BCL9: variants seen among roughly 807,000 people sequenced by gnomAD.
BCL9 encodes the protein B-cell CLL/lymphoma 9 protein.
Under a neutral mutation model 88.5 loss-of-function variants are expected in BCL9, and 25 were observed. That is an observed-to-expected ratio of 0.28 (90% confidence interval 0.21 to 0.39). BCL9 has a LOEUF of 0.39. Among genes scored for constraint, BCL9 ranks in the 10% least tolerant of loss-of-function variants. The pLI, the probability that BCL9 is intolerant of heterozygous loss-of-function variation, is 1.00. For missense variants in BCL9, 1,817 were observed against 1,877.8 expected, an observed-to-expected ratio of 0.97 and a Z score of 0.60; for synonymous variants, 711 against 673.3, an observed-to-expected ratio of 1.06 and a Z score of -0.87.
In BCL9 at chr1:147,625,898, A is replaced by G. The variant is rs950257882; in HGVS notation, c.*939A>G. On this transcript the variant is annotated 3_prime_UTR_variant, in exon 10 of 10. Transcript: ENST00000234739. ...GAGCGTCCTCTTGGCTCTGAGAGGG[A>G]AAGGTCTGTCCTTGGGATGCTCTCT... The G allele has an allele frequency of 3.1e-4, 73 of 232,950 alleles. No homozygotes were observed. The East Asian group carries it at 4.4e-3, about 14-fold the overall frequency. The allele number at this position is 232,950 out of a possible 1,614,324, so 14.4% of individuals were successfully genotyped here. A position where few individuals can be genotyped will look rare whatever the true frequency, so the allele number is the denominator to read the frequency against.
chr1:147,625,880 C>G lies in BCL9; in HGVS notation c.*921C>G, dbSNP rs1658921839. ...AGCCTCGCCTTCCATGCCGAGCGTC[C>G]TCTTGGCTCTGAGAGGGAAAGGTCT... is the stretch of plus-strand genomic sequence containing the variant. On this transcript the variant is annotated 3_prime_UTR_variant, in exon 10 of 10. Coordinates refer to ENST00000234739, the MANE Select transcript of BCL9 (RefSeq NM_004326.4). 1 of 233,196 alleles carries G rather than the reference C, an allele frequency of 4.3e-6. No homozygotes were observed. The highest frequency in any genetic ancestry group is 8.5e-6 in the Non-Finnish European group (1 of 117,734). 14.4% of individuals were successfully genotyped at this position (233,196 alleles called of 1,614,324 possible). A position where few individuals can be genotyped will look rare whatever the true frequency, so the allele number is the denominator to read the frequency against.
At chr1:147,559,086 G>T (rs1655249683) in intron 1 of BCL9, among the ~76,000 whole-genome samples, 2 of 148,276 alleles carry the variant, frequency 1.3e-5, no homozygotes, top group East Asian at 2.0e-4. Context: ...AATTTGTCTT[G>T]TTAGAATTGA....
intron 1 of BCL9, among the ~76,000 whole-genome samples, chr1:147,569,507 A>G (rs1655779808): frequency 7.1e-6 from 1 of 140,112 alleles, no homozygotes; most frequent in Non-Finnish European, 1.5e-5. Flanking sequence ...AAAATCAGCC[A>G]GGTGTGGTGG....
In BCL9 at chr1:147,619,677, C is replaced by T. The variant is rs782111632; in HGVS notation, c.1522C>T (p.Arg508Trp). The T allele has an allele frequency of 7.4e-6, 12 of 1,613,920 alleles. No individual in the cohort carries two copies. Among genetic ancestry groups the T allele is most frequent in the African/African-American group, 2.7e-5 (2 of 74,902 alleles). ...CATGATGGTCCATCAGCACGGGCCT[C>T]GGGGAGTGGTCCGAGGACCCCCCCC... ...QDMMVHQHGP[R>W]GVVRGPPPPY... The change falls in exon 8 of 10, where the codon CGG becomes TGG. Residue 508 changes from arginine (R) to tryptophan (W), a missense_variant. By Grantham distance (101) the Arg-to-Trp change is moderately radical. Transcript: ENST00000234739. The surrounding 1 kb of genome is among the most constrained non-coding windows in gnomAD (Gnocchi z 4.1).
chr1:147,618,635 TAAAAAA>T (rs879959539), intron 7 of BCL9, among the ~76,000 whole-genome samples, 175 bp from the exon 8 acceptor site: 1 of 147,568 alleles, frequency 6.8e-6, no homozygotes, highest in Non-Finnish European at 1.5e-5. Context: ...ACAGTAAGTT[TAAAAAA>T]AAAAAAATCA....
chr1:147,613,321 C>G, intron 5 of BCL9, 122 bp downstream of exon 5: 1 of 935,478 alleles, frequency 1.1e-6, no homozygotes, highest in Non-Finnish European at 1.6e-6. Context: ...GTATCAGATT[C>G]ATGAGTTCTC....
At chr1:147,553,620 C>T (rs1483259108) in intron 1 of BCL9, among the ~76,000 whole-genome samples, 1 of 152,122 alleles carries the variant, frequency 6.6e-6, no homozygotes, top group Non-Finnish European at 1.5e-5. Flanking sequence ...GAATTCTTGG[C>T]TTCATTGGAT....
intron 1 of BCL9, among the ~76,000 whole-genome samples, chr1:147,548,685 A>G (rs594206): frequency 0.22 from 33,304 of 152,068 alleles, 3,852 homozygotes; most frequent in African/African-American, 0.29. Flanking sequence ...GAATGAATAA[A>G]CAGTTCACAT....
intron 1 of BCL9, among the ~76,000 whole-genome samples, chr1:147,556,708 A>T (rs587597788): frequency 6.6e-6 from 1 of 152,220 alleles, no homozygotes; most frequent in African/African-American, 2.4e-5. Context: ...CTTGGCCCCC[A>T]AAGTGCTGGG....
intron 1 of BCL9, among the ~76,000 whole-genome samples, chr1:147,572,111 G>A (rs1005871525): frequency 9.2e-5 from 14 of 152,162 alleles, no homozygotes; most frequent in Admixed American, 3.3e-4. Context: ...ACGTGGTGGC[G>A]GGAGCCTGTA....
chr1:147,577,742 G>A (rs587692810), intron 1 of BCL9, among the ~76,000 whole-genome samples: 1 of 151,786 alleles, frequency 6.6e-6, no homozygotes, highest in East Asian at 1.9e-4. Flanking sequence ...TGATATGTTG[G>A]ATCAATTGAT....
intron 1 of BCL9, among the ~76,000 whole-genome samples, chr1:147,580,904 C>G (rs1656335579): frequency 6.6e-6 from 1 of 152,176 alleles, no homozygotes; most frequent in Admixed American, 6.5e-5. Context: ...TTTATTACTA[C>G]CATTTTTAAA....
chr1:147,591,242 G>T (rs1656832900), intron 1 of BCL9, among the ~76,000 whole-genome samples: 1 of 152,106 alleles, frequency 6.6e-6, no homozygotes, highest in Admixed American at 6.5e-5. Context: ...AAATAACTCA[G>T]TGTATTCTTC....
At chr1:147,566,838 G>A (rs960598036) in intron 1 of BCL9, among the ~76,000 whole-genome samples, 7 of 152,294 alleles carry the variant, frequency 4.6e-5, no homozygotes, top group South Asian at 4.1e-4. Flanking sequence ...AACTGTGTTT[G>A]TTTATGTTTA....
chr1:147,619,983 G>A lies in BCL9; in HGVS notation c.1828G>A (p.Gly610Ser), dbSNP rs1423856468. The A allele has an allele frequency of 1.2e-6, 2 of 1,613,946 alleles. No individual in the cohort carries two copies. Among genetic ancestry groups the A allele is most frequent in the Non-Finnish European group, 1.7e-6 (2 of 1,179,912 alleles). ...TGGTCGAAATTTTCCTCCTGGCCAG[G>A]GCATTTTCAGCGGTCCTGGCCGAGG... ...PDGRNFPPGQ[G>S]IFSGPGRGER... The change falls in exon 8 of 10, where the codon GGC (glycine) becomes AGC (serine). Residue 610 changes from glycine to serine, a missense_variant. This residue lies in a region of BCL9 where 1,228 missense variants were observed against 1,191.6 expected (regional missense o/e 1.03). Transcript: ENST00000234739. This position sits in a 1 kb window ranked among gnomAD's most constrained non-coding sequence, Gnocchi z 4.1.
At chr1:147,565,272 C>T (rs1253239569) in intron 1 of BCL9, among the ~76,000 whole-genome samples, 2 of 152,182 alleles carry the variant, frequency 1.3e-5, no homozygotes, top group African/African-American at 4.8e-5. Flanking sequence ...CTCAAAGAGG[C>T]AAAATCACTC....
intron 1 of BCL9, among the ~76,000 whole-genome samples, chr1:147,564,882 T>C (rs1264452522): frequency 3.9e-5 from 6 of 152,186 alleles, no homozygotes; most frequent in Non-Finnish European, 8.8e-5. Flanking sequence ...TCCAATATGG[T>C]AACCACTATC....
intron 1 of BCL9, among the ~76,000 whole-genome samples, chr1:147,588,378 T>G (rs1388057379): frequency 6.6e-6 from 1 of 152,078 alleles, no homozygotes; most frequent in Non-Finnish European, 1.5e-5. Flanking sequence ...TACTTTGACC[T>G]TAAACTCTCA....
In BCL9 at chr1:147,619,671, G is replaced by A. The variant is rs138146164; in HGVS notation, c.1516G>A (p.Gly506Arg). ...SLQDMMVHQH[G>R]PRGVVRGPPP... is the part of the protein sequence containing the mutation. The stretch of plus-strand genomic sequence containing the variant: ...CCAGGACATGATGGTCCATCAGCAC[G>A]GGCCTCGGGGAGTGGTCCGAGGACC... Residue 506 changes from glycine (G) to arginine (R), a missense_variant, in exon 8 of 10, where the codon GGG becomes AGG. Around this residue, in one of 2 missense-constraint regions of BCL9, gnomAD observed 1,228 missense variants for 1,191.6 expected, o/e 1.03. Transcript: ENST00000234739. This position sits in a 1 kb window ranked among gnomAD's most constrained non-coding sequence, Gnocchi z 4.1. 74 of 1,613,986 alleles carry A rather than the reference G, an allele frequency of 4.6e-5. 2 individuals are homozygous for A. The South Asian group carries it at 4.9e-4, about 11-fold the overall frequency.
Sources: allele counts gnomAD v4.1 joint callset (sites outside exome capture counted in the v4.1 genomes callset), GRCh38; gene constraint gnomAD v4.1.1; regional missense constraint gnomAD v4.1.1; non-coding constraint Gnocchi (gnomAD v3.1); transcripts MANE v1.5; gene names NCBI Gene and HGNC (gene_info 2026-07-23, HGNC 2026-07-21).